Variants in SLC12A7 observed in about 807,000 individuals in gnomAD.
SLC12A7 encodes the protein solute carrier family 12 member 7.
SLC12A7 carries 100 observed loss-of-function variants against 120.6 expected under a neutral mutation model. That is an observed-to-expected ratio of 0.83 (90% CI 0.71 to 0.98). The LOEUF is 0.98. Among genes scored for constraint, SLC12A7 ranks in the 50% least tolerant of loss-of-function variants. The pLI, the probability that SLC12A7 is intolerant of heterozygous loss-of-function variation, is 0.00. For synonymous variants in SLC12A7, 760 were observed against 678.0 expected (o/e 1.12, Z -1.88); for missense variants, 1,373 against 1,548.1 (o/e 0.89, Z 1.90).
At chr5:1,137,394 C>CA in the SLC12A7 span, among the ~76,000 whole-genome samples, 1 of 152,196 alleles carries the variant, frequency 6.6e-6, no homozygotes, top group East Asian at 1.9e-4. Context: ...GACTGCCTGC[C>CA]TCCCCACCTT....
At chr5:1,138,672 G>A in the SLC12A7 span, among the ~76,000 whole-genome samples, 1 of 152,100 alleles carries the variant, frequency 6.6e-6, no homozygotes, top group Non-Finnish European at 1.5e-5. Context: ...TCATATTCTC[G>A]GGTTCCAGGA....
the SLC12A7 span, among the ~76,000 whole-genome samples, chr5:1,151,571 C>T: frequency 6.6e-6 from 1 of 152,344 alleles, no homozygotes; most frequent in East Asian, 1.9e-4. This position sits in a 1 kb window ranked among gnomAD's most constrained non-coding sequence, Gnocchi z 6.2. Flanking sequence ...ATCAGGGACT[C>T]AGAACTGGTC....
At chr5:1,122,257 C>T in the SLC12A7 span, among the ~76,000 whole-genome samples, 1 of 152,294 alleles carries the variant, frequency 6.6e-6, no homozygotes, top group Admixed American at 6.5e-5. Context: ...AACCAGAACC[C>T]CCGGCAGGGC....
intron 20 of SLC12A7, among the ~76,000 whole-genome samples, chr5:1,061,795 CAAAGAAAAA>C: frequency 1.0e-5 from 1 of 98,926 alleles, no homozygotes; most frequent in East Asian, 2.6e-4. Flanking sequence ...ACTAAAAATA[CAAAGAAAAA>C]AAAAAAAATT....
At chr5:1,130,841 T>A in the SLC12A7 span, among the ~76,000 whole-genome samples, 1 of 152,140 alleles carries the variant, frequency 6.6e-6, no homozygotes, top group Admixed American at 6.5e-5. Context: ...CCATGCAGTC[T>A]CCTTCCGGCC....
Position 1,075,389 on chromosome 5 carries a change from T to G in SLC12A7, c.1949A>C (p.Lys650Thr), listed in dbSNP as rs972256870. ...SAMLIAGCIYKYIEYRGAEKE... is the reference protein window; with the variant it reads ...SAMLIAGCIYTYIEYRGAEKE... ...CGCTTACCCGCGGTACTCGATGTAC[T>G]TGTAGATGCAGCCAGCGATGAGCAT... The change falls in exon 15 of 24, where the codon AAG (lysine) becomes ACG (threonine). Residue 650 changes from lysine to threonine, a missense_variant. Lys to Thr is a moderately conservative substitution (Grantham distance 78). Transcript: ENST00000264930. The G allele has an allele frequency of 6.2e-7, 1 of 1,612,150 alleles. No homozygotes were observed. Among genetic ancestry groups the G allele is most frequent in the African/African-American group, 1.3e-5 (1 of 75,050 alleles).
intron 5 of SLC12A7, among the ~76,000 whole-genome samples, chr5:1,088,089 C>T (rs376180300): frequency 1.9e-3 from 288 of 152,282 alleles, no homozygotes; most frequent in African/African-American, 6.4e-3. Flanking sequence ...TGGCAAGAGA[C>T]GGTCACCACG....
intron 1 of SLC12A7, among the ~76,000 whole-genome samples, chr5:1,099,114 C>T (rs938766707): frequency 2.0e-5 from 3 of 152,066 alleles, no homozygotes; most frequent in African/African-American, 2.4e-5. Flanking sequence ...CCTGCCCAGG[C>T]GCCATGCACC....
intron 3 of SLC12A7, among the ~76,000 whole-genome samples, chr5:1,093,263 A>G (rs1486574449): frequency 1.3e-5 from 2 of 152,058 alleles, no homozygotes; most frequent in Non-Finnish European, 2.9e-5. Flanking sequence ...AGAACGAACA[A>G]AACACCCCAA....
rs772552594 is a variant in SLC12A7 at position 1,081,641 on chromosome 5, G to GT, written c.1232dup (p.Tyr411Ter). The change falls in exon 9 of 24, where the codon TAC becomes TAAC. Residue 411 changes from tyrosine to a stop codon, truncating the protein, a stop_gained and frameshift_variant. Transcript: ENST00000264930. LOFTEE classifies it high-confidence loss of function. ...AGGAGGCCGCGATGTCGGTGAGCAC[G>GT]TAGGGCAGTGCGCTGGCACGGCTCT... Reference protein sequence around the residue: ...AEESRASALPYVLTDIAASFT... With the variant: ...AEESRASALP 6.2e-7 allele frequency: 1 copy of GT among 1,613,138 alleles called. No homozygotes were observed. Among genetic ancestry groups the GT allele is most frequent in the African/African-American group, 1.3e-5 (1 of 75,066 alleles).
At chr5:1,077,419 G>A (rs773106551) in intron 12 of SLC12A7, among the ~76,000 whole-genome samples, 8 of 152,326 alleles carry the variant, frequency 5.3e-5, no homozygotes, top group East Asian at 1.9e-4. Context: ...GCGGGCGTCC[G>A]TGCAATCCTC....
intron 17 of SLC12A7, among the ~76,000 whole-genome samples, chr5:1,066,991 C>T (rs1375091410): frequency 6.6e-6 from 1 of 152,148 alleles, no homozygotes; most frequent in Non-Finnish European, 1.5e-5. Context: ...CCAGCAGCCC[C>T]TACGTCAGCC....
chr5:1,155,463 G>A, the SLC12A7 span, among the ~76,000 whole-genome samples: 1 of 149,088 alleles, frequency 6.7e-6, no homozygotes, highest in African/African-American at 2.5e-5. Flanking sequence ...GGTGTCACCT[G>A]CAGGCCCCGG....
upstream of SLC12A7, among the ~76,000 whole-genome samples, chr5:1,113,060 C>T (rs182990080): frequency 3.5e-3 from 535 of 152,252 alleles, 3 homozygotes; most frequent in African/African-American, 0.012. Flanking sequence ...AGGATACCAC[C>T]GGCCAGCACC....
At chr5:1,155,029 C>T in the SLC12A7 span, among the ~76,000 whole-genome samples, 2 of 152,128 alleles carry the variant, frequency 1.3e-5, no homozygotes, top group Admixed American at 1.3e-4. Context: ...CCAGGCAGGG[C>T]CCTCCTCAGC....
At chr5:1,103,563 C>T (rs965998396) in intron 1 of SLC12A7, among the ~76,000 whole-genome samples, 3 of 152,376 alleles carry the variant, frequency 2.0e-5, no homozygotes, top group African/African-American at 7.2e-5. Context: ...ATACACACAA[C>T]ACTCACCTCG....
chr5:1,124,852 C>G, the SLC12A7 span, among the ~76,000 whole-genome samples: 1 of 152,176 alleles, frequency 6.6e-6, no homozygotes, highest in Non-Finnish European at 1.5e-5. Flanking sequence ...CTTGCACTAA[C>G]CGGAGCGAGG....
rs765550440 is a variant in SLC12A7 at position 1,087,037 on chromosome 5, C to T, written c.545-4G>A. ...ATCATGTAGTAGGACCCGCCAGCTGCGGAGACAAAGGCGGCAGCCGCGGGT... is the reference window on the plus strand; with the variant it reads ...ATCATGTAGTAGGACCCGCCAGCTGTGGAGACAAAGGCGGCAGCCGCGGGT... On this transcript the variant is annotated splice_polypyrimidine_tract_variant and splice_region_variant and intron_variant, in intron 5 of 23. Coordinates refer to ENST00000264930, the MANE Select transcript of SLC12A7 (RefSeq NM_006598.3). 10 of 1,609,818 alleles carry T rather than the reference C, an allele frequency of 6.2e-6. No homozygotes were observed. Among genetic ancestry groups the T allele is most frequent in the East Asian group, 2.2e-5 (1 of 44,842 alleles).
At chr5:1,127,171 C>T in the SLC12A7 span, among the ~76,000 whole-genome samples, 9 of 152,208 alleles carry the variant, frequency 5.9e-5, no homozygotes, top group South Asian at 2.1e-4. Context: ...CACGCCACCA[C>T]GCCCAGCTAA....
Sources: gnomAD v4.1 joint callset for allele counts (sites outside exome capture counted in the v4.1 genomes callset) on GRCh38, gnomAD v4.1.1 for gene constraint, Gnocchi (gnomAD v3.1) non-coding constraint, MANE v1.5 for transcripts, NCBI Gene and HGNC (gene_info 2026-07-23, HGNC 2026-07-21) for gene names.